The following SWAP70 variants were observed in gnomAD, a reference collection of about 807,000 sequenced individuals.
SWAP70 encodes the protein switching B cell complex subunit SWAP70, also known as switch-associated protein 70.
A neutral mutation model predicts 80.2 loss-of-function variants in SWAP70; 34 were observed. The ratio of observed to expected loss-of-function variants is 0.42; its 90% confidence interval spans 0.32 to 0.56. The LOEUF (loss-of-function observed/expected upper bound fraction) is 0.56. Ranked by LOEUF, SWAP70 falls within the 20% of genes least tolerant of loss-of-function variation. The pLI is 0.09. For synonymous variants in SWAP70, 239 were observed against 238.5 expected (o/e 1.00, Z -0.02); for missense variants, 578 against 690.7 (o/e 0.84, Z 1.83).
Position 9,732,541 on chromosome 11 carries a change from C to G in SWAP70, c.911C>G (p.Thr304Ser). ...KQEWIQAIHS[T>S]IHLLKLGSPP... ...ACACCTTTTACAGCCATTCATTCTACTATTCATCTGTTGAAGCTGGGCAGC... is the reference window on the plus strand; with the variant it reads ...ACACCTTTTACAGCCATTCATTCTAGTATTCATCTGTTGAAGCTGGGCAGC... The change falls in exon 7 of 12, where the codon ACT (threonine) becomes AGT (serine). Residue 304 changes from threonine to serine, a missense_variant. Transcript: ENST00000318950. The G allele has an allele frequency of 6.2e-7, 1 of 1,605,742 alleles. No homozygotes were observed. The highest frequency in any genetic ancestry group is 1.1e-5 in the South Asian group (1 of 89,938).
chr11:9,720,963 G>A (rs556646250), intron 3 of SWAP70, among the ~76,000 whole-genome samples: 1 of 151,912 alleles, frequency 6.6e-6, no homozygotes. Context: ...TTACAGGTGC[G>A]CACCACCACA....
rs910102122 is a variant in SWAP70, at chr11:9,685,024, T to G, written c.100-9122T>G. Reference sequence around the variant, plus strand: ...ATCTCCTCACAAATCATTTACCTTCTTAAAAGACATTTGTGCAATATTTCA... The same window carrying G: ...ATCTCCTCACAAATCATTTACCTTCGTAAAAGACATTTGTGCAATATTTCA... On this transcript the variant is annotated intron_variant, in intron 1 of 11. Coordinates refer to ENST00000318950, the MANE Select transcript of SWAP70 (RefSeq NM_015055.4). 2.0e-5 allele frequency among the ~76,000 whole-genome samples: 3 copies of G among 152,144 alleles called. No individual in the cohort carries two copies. In the South Asian group the frequency reaches 6.2e-4, roughly 31 times the overall value.
At chr11:9,665,321 T>C (rs1023510652) in intron 1 of SWAP70, among the ~76,000 whole-genome samples, 4 of 152,208 alleles carry the variant, frequency 2.6e-5, no homozygotes, top group African/African-American at 9.6e-5. Flanking sequence ...CTTTTGCCTC[T>C]CCTTTCTTTT....
chr11:9,732,494 T>G, intron 6 of SWAP70, 35 bp from the exon 7 acceptor site: 1 of 1,564,216 alleles, frequency 6.4e-7, no homozygotes, highest in Non-Finnish European at 8.7e-7. Flanking sequence ...AAATAATATC[T>G]CCCCATTTTT....
intron 11 of SWAP70, 64 bp downstream of exon 11, chr11:9,749,247 AATTT>A: frequency 2.2e-6 from 2 of 928,472 alleles, no homozygotes; most frequent in South Asian, 3.0e-5. Flanking sequence ...TTATTTAATT[AATTT>A]ATTTATTTTG....
intron 9 of SWAP70, among the ~76,000 whole-genome samples, chr11:9,747,497 C>G (rs546645346): frequency 3.3e-5 from 5 of 152,214 alleles, no homozygotes; most frequent in Non-Finnish European, 5.9e-5. Flanking sequence ...GGCCACTGAA[C>G]CTTTGTGTCT....
chr11:9,686,793 T>C (rs759120240), intron 1 of SWAP70, among the ~76,000 whole-genome samples: 45 of 152,304 alleles, frequency 3.0e-4, no homozygotes, highest in Non-Finnish European at 5.4e-4. Context: ...TTCACAGGTA[T>C]TTGAGATGTT....
chr11:9,745,464 C>T (rs76796939), intron 9 of SWAP70, among the ~76,000 whole-genome samples: 13,654 of 152,198 alleles, frequency 0.09, 1,530 homozygotes, highest in East Asian at 0.28. Flanking sequence ...TTTAACATAT[C>T]AAAAGAACAA....
chr11:9,673,754 A>G (rs979339623), intron 1 of SWAP70, among the ~76,000 whole-genome samples: 1 of 152,168 alleles, frequency 6.6e-6, no homozygotes, highest in Non-Finnish European at 1.5e-5. Context: ...GGCCAGCTCC[A>G]AGATAGAAAG....
intron 1 of SWAP70, among the ~76,000 whole-genome samples, chr11:9,671,942 AT>A (rs1173232670): frequency 4.5e-5 from 5 of 110,338 alleles, no homozygotes; most frequent in African/African-American, 1.9e-4. Context: ...TTTATAATAT[AT>A]TTTATAATAT....
At chr11:9,702,308 A>G (rs1850842926) in intron 2 of SWAP70, among the ~76,000 whole-genome samples, 1 of 152,106 alleles carries the variant, frequency 6.6e-6, no homozygotes, top group Non-Finnish European at 1.5e-5. Flanking sequence ...GTTCTTAAAC[A>G]CCCAAACCCG....
chr11:9,704,154 T>G (rs1850869335), intron 2 of SWAP70, among the ~76,000 whole-genome samples: 1 of 152,158 alleles, frequency 6.6e-6, no homozygotes, highest in Non-Finnish European at 1.5e-5. Flanking sequence ...CTATAATATT[T>G]TAATAACAGA....
chr11:9,689,150 T>A (rs954377230), intron 1 of SWAP70, among the ~76,000 whole-genome samples: 6 of 152,200 alleles, frequency 3.9e-5, no homozygotes, highest in Non-Finnish European at 8.8e-5. Flanking sequence ...GGAAACAGTG[T>A]GTTACTGGGT....
intron 3 of SWAP70, among the ~76,000 whole-genome samples, chr11:9,723,771 C>CTT (rs34551025): frequency 8.5e-4 from 106 of 124,606 alleles, no homozygotes; most frequent in African/African-American, 2.9e-3. Flanking sequence ...TCCTTCTTTA[C>CTT]TTTTTTTTTT....
chr11:9,749,049 C>T (rs183495425), intron 10 of SWAP70, 38 bp from the exon 11 acceptor site: 85 of 1,376,584 alleles, frequency 6.2e-5, no homozygotes, highest in Non-Finnish European at 8.1e-5. Context: ...TTAAACTACC[C>T]GTGTGTCTGC....
intron 8 of SWAP70, among the ~76,000 whole-genome samples, chr11:9,739,102 G>C (rs1413272227): frequency 6.6e-6 from 1 of 152,178 alleles, no homozygotes; most frequent in Non-Finnish European, 1.5e-5. Context: ...TCCTGAAATT[G>C]TGAGAACATC....
At chr11:9,732,970 G>A (rs1347143588) in intron 7 of SWAP70, among the ~76,000 whole-genome samples, 1 of 152,182 alleles carries the variant, frequency 6.6e-6, no homozygotes, top group East Asian at 1.9e-4. Context: ...GAGCACAGTT[G>A]AATTTCGTCA....
chr11:9,685,195 C>A lies in SWAP70; in HGVS notation c.100-8951C>A, dbSNP rs562262878. On this transcript the variant is annotated intron_variant, in intron 1 of 11. Coordinates refer to ENST00000318950, the MANE Select transcript of SWAP70 (RefSeq NM_015055.4). ...GTAGCACCATCTCGGCCTGCCACAA[C>A]CTCCATAGGGTGGCTTTTTAAAGAG... Among the ~76,000 whole-genome samples the A allele has an allele frequency of 1.7e-3, 257 of 151,806 alleles. 2 individuals carry two copies. The highest frequency in any genetic ancestry group is 6.0e-3 in the African/African-American group (250 of 41,402).
intron 9 of SWAP70, 110 bp downstream of exon 9, chr11:9,740,457 T>C (rs1227413171): frequency 8.8e-7 from 1 of 1,139,814 alleles, no homozygotes; most frequent in Non-Finnish European, 1.3e-6. Context: ...CTGCTCTGGC[T>C]GTGACTGAGC....
Sources: gnomAD v4.1 joint callset for allele counts (sites outside exome capture counted in the v4.1 genomes callset) on GRCh38, gnomAD v4.1.1 for gene constraint, MANE v1.5 for transcripts, NCBI Gene and HGNC (gene_info 2026-07-23, HGNC 2026-07-21) for gene names.